CIT: variants seen among roughly 807,000 people sequenced by gnomAD.
CIT encodes the protein citron Rho-interacting kinase.
CIT carries 79 observed loss-of-function variants against 272.7 expected under a neutral mutation model. The observed-to-expected ratio is 0.29, with a 90% CI of 0.24 to 0.35. The LOEUF is 0.35. Ranked by LOEUF, CIT falls within the 10% of genes least tolerant of loss-of-function variation. The probability of loss-of-function intolerance (pLI) is 1.00; values close to 1 mark genes in which losing one functional copy is unlikely to be tolerated. For synonymous variants in CIT, 948 were observed against 995.6 expected (o/e 0.95, Z 0.90); for missense variants, 1,909 against 2,618.3 (o/e 0.73, Z 5.91).
At position 119,713,946 on chromosome 12, in the gene CIT, C is replaced by G; in HGVS notation, c.4306+251G>C. 1.6e-6 allele frequency: 1 copy of G among 607,212 alleles called. No individual in the cohort carries two copies. Among genetic ancestry groups the G allele is most frequent in the Non-Finnish European group, 2.9e-6 (1 of 345,476 alleles). The allele number at this position is 607,212 out of a possible 1,614,324, so 37.6% of individuals were successfully genotyped here. A position where few individuals can be genotyped will look rare whatever the true frequency, so the allele number is the denominator to read the frequency against. Reference sequence around the variant, plus strand: ...AGTCAGCGGAAAGGTAGGGAGAGACCAGCCTGACAAAAAGGGGCTGGAAAT... The same window carrying G: ...AGTCAGCGGAAAGGTAGGGAGAGACGAGCCTGACAAAAAGGGGCTGGAAAT... On this transcript the variant is annotated intron_variant, in intron 33 of 47. Coordinates refer to ENST00000392521, the MANE Select transcript of CIT (RefSeq NM_001206999.2). The surrounding 1 kb of genome is among the most constrained non-coding windows in gnomAD (Gnocchi z 5.2).
chr12:119,789,846 C>T (rs1352247039), intron 10 of CIT, among the ~76,000 whole-genome samples: 1 of 151,978 alleles, frequency 6.6e-6, no homozygotes, highest in Admixed American at 6.6e-5. Flanking sequence ...GCTGGGACTA[C>T]AGGCGCACGC....
intron 7 of CIT, among the ~76,000 whole-genome samples, chr12:119,828,994 GAAGGA>G (rs1363692995): frequency 3.2e-5 from 1 of 31,332 alleles, no homozygotes; most frequent in Non-Finnish European, 1.0e-4. Context: ...GAAAAGAAAG[GAAGGA>G]AGGAAGGAAA....
In CIT at chr12:119,733,529, C is replaced by CA. The variant is rs113216303; in HGVS notation, c.3350+634dup. Among the ~76,000 whole-genome samples the CA allele has an allele frequency of 0.011, 1,116 of 103,736 alleles. 12 individuals carry two copies. The East Asian group carries it at 0.12, about 12-fold the overall frequency. 68.1% of individuals were successfully genotyped at this position (103,736 alleles called of 152,430 possible). A position where few individuals can be genotyped will look rare whatever the true frequency, so the allele number is the denominator to read the frequency against. ...AGCCTGGGTGACAGAGACTCTGTCA[C>CA]AAAAAAAAAAAAAACAAAAAAAACC... On this transcript the variant is annotated intron_variant, in intron 26 of 47. Transcript: ENST00000392521.
intron 16 of CIT, among the ~76,000 whole-genome samples, chr12:119,775,496 T>G (rs1243385242): frequency 1.3e-5 from 2 of 152,214 alleles, no homozygotes; most frequent in African/African-American, 4.8e-5. Flanking sequence ...CCAGGCCCCC[T>G]GAGGCGAGAG....
At chr12:119,721,537 G>T (rs1957814823) in intron 28 of CIT, 88 bp from the exon 29 acceptor site, 2 of 1,237,406 alleles carry the variant, frequency 1.6e-6, no homozygotes, top group South Asian at 1.9e-5. Flanking sequence ...CTAATTTCAG[G>T]CATGGCACCA....
chr12:119,766,412 T>A (rs1962460589), intron 19 of CIT, among the ~76,000 whole-genome samples: 1 of 152,182 alleles, frequency 6.6e-6, no homozygotes, highest in Non-Finnish European at 1.5e-5. Flanking sequence ...CTCACTTATT[T>A]GTGGGATCTA....
At chr12:119,792,943 AGAGT>A (rs1191975558) in intron 10 of CIT, among the ~76,000 whole-genome samples, 1 of 152,088 alleles carries the variant, frequency 6.6e-6, no homozygotes, top group Non-Finnish European at 1.5e-5. Flanking sequence ...GCCTGGCGAC[AGAGT>A]GAGACTCCGT....
In CIT at chr12:119,728,604, G is replaced by A; in HGVS notation, c.3489C>T (p.Leu1163=). 1.9e-6 allele frequency: 3 copies of A among 1,603,324 alleles called. No homozygotes were observed. The highest frequency in any genetic ancestry group is 1.1e-5 in the South Asian group (1 of 89,616). ...TAGCATGCTTCTTCTCCAGGTCATTGAGCTAGACATTTGGAAAGATTGGCA... is the reference window on the plus strand; with the variant it reads ...TAGCATGCTTCTTCTCCAGGTCATTAAGCTAGACATTTGGAAAGATTGGCA... The part of the protein sequence containing the change: ...KLKAESLSDK[L]NDLEKKHAML... Residue 1163 remains leucine (L), a splice_region_variant and synonymous_variant, in exon 28 of 48, where the codon CTC becomes CTT. Transcript: ENST00000392521. This position sits in a 1 kb window ranked among gnomAD's most constrained non-coding sequence, Gnocchi z 4.3.
At chr12:119,807,150 C>A (rs1593820997) in intron 9 of CIT, among the ~76,000 whole-genome samples, 1 of 152,146 alleles carries the variant, frequency 6.6e-6, no homozygotes, top group African/African-American at 2.4e-5. Context: ...GTAACAAGGT[C>A]CCCAGGTGAT....
chr12:119,853,094 A>C (rs1361309016), intron 4 of CIT, among the ~76,000 whole-genome samples: 2 of 152,110 alleles, frequency 1.3e-5, no homozygotes, highest in East Asian at 1.9e-4. Flanking sequence ...TGGGAGGCCA[A>C]GGCACGTGGA....
chr12:119,848,725 T>C (rs142386199), intron 5 of CIT, among the ~76,000 whole-genome samples: 574 of 152,176 alleles, frequency 3.8e-3, no homozygotes, highest in Admixed American at 6.4e-3. Flanking sequence ...CATGTGGATA[T>C]AGAAATATCC....
At chr12:119,815,108 ACAC>A (rs1967044554) in intron 9 of CIT, among the ~76,000 whole-genome samples, 104 of 21,442 alleles carry the variant, frequency 4.9e-3, no homozygotes, top group Middle Eastern at 0.045. Flanking sequence ...CACACACAAC[ACAC>A]ACACACACAC....
In CIT at chr12:119,704,714, A is replaced by G. The variant is rs566753594; in HGVS notation, c.5212-259T>C. ...ACCAAATGTCCCCTGGTAAGGCAGA[A>G]TTACCCCTGGTCGAGAACCAAGGCT... On this transcript the variant is annotated intron_variant, in intron 40 of 47. Coordinates refer to ENST00000392521, the MANE Select transcript of CIT (RefSeq NM_001206999.2). 2.6e-5 allele frequency among the ~76,000 whole-genome samples: 4 copies of G among 152,258 alleles called. No individual in the cohort carries two copies. The East Asian group carries it at 7.7e-4, about 29-fold the overall frequency.
In CIT at chr12:119,804,393, G is replaced by A. The variant is rs1399593896; in HGVS notation, c.1112-1004C>T. On this transcript the variant is annotated intron_variant, in intron 9 of 47. Transcript: ENST00000392521. This position sits in a 1 kb window ranked among gnomAD's most constrained non-coding sequence, Gnocchi z 5.3. ...GTTAGAGCCGAGCATCACATCCCCC[G>A]CAGTGCAGGCTGCATGCTCCCGGCT... The A allele has an allele frequency of 6.1e-5, 60 of 985,452 alleles. No homozygotes were observed. The highest frequency in any genetic ancestry group is 7.1e-5 in the Non-Finnish European group (59 of 830,068). The allele number at this position is 985,452 out of a possible 1,614,324, so 61.0% of individuals were successfully genotyped here.
In CIT at chr12:119,854,239, G is replaced by T. The variant is rs568122030; in HGVS notation, c.414+3284C>A. ...GACAGGGTTTCTCCATGTTGGTCAG[G>T]CTGGTCTCAAACTCCCGACCTCAAG... On this transcript the variant is annotated intron_variant, in intron 4 of 47. Transcript: ENST00000392521. Among the ~76,000 whole-genome samples, 369 of 151,766 alleles carry T rather than the reference G, an allele frequency of 2.4e-3. 1 individual carries two copies. Among genetic ancestry groups the T allele is most frequent in the African/African-American group, 8.5e-3 (354 of 41,462 alleles).
At chr12:119,818,081 G>A (rs1967367837) in intron 9 of CIT, among the ~76,000 whole-genome samples, 1 of 152,154 alleles carries the variant, frequency 6.6e-6, no homozygotes, top group Admixed American at 6.5e-5. Context: ...AAGAGCATGG[G>A]CTTTGGAATC....
At chr12:119,692,379 T>C (rs1325969854) in intron 46 of CIT, among the ~76,000 whole-genome samples, 1 of 152,256 alleles carries the variant, frequency 6.6e-6, no homozygotes, top group African/African-American at 2.4e-5. Context: ...GAAGAGGCTA[T>C]AATTTTATCA....
In CIT at chr12:119,708,264, G is replaced by A. The variant is rs763083715; in HGVS notation, c.5126C>T (p.Ala1709Val). The change falls in exon 40 of 48, where the codon GCC (alanine) becomes GTC (valine). Residue 1709 changes from alanine to valine, a missense_variant. Transcript: ENST00000392521. ...GGGCTGGGCAGGCAGGTGGGACTGG[G>A]CCAGGGACTGTTTCACTTTCTTCAC... ...VDVKKVKQSL[A>V]QSHLPAQPDI... The A allele has an allele frequency of 3.1e-6, 5 of 1,606,650 alleles. No homozygotes were observed. The highest frequency in any genetic ancestry group is 4.2e-6 in the Non-Finnish European group (5 of 1,176,866).
intron 7 of CIT, among the ~76,000 whole-genome samples, chr12:119,832,507 G>C (rs940008493): frequency 1.3e-5 from 2 of 152,252 alleles, no homozygotes; most frequent in African/African-American, 2.4e-5. Context: ...AAAATGAAGA[G>C]AGAAACAAAA....
Sources: allele counts gnomAD v4.1 joint callset (sites outside exome capture counted in the v4.1 genomes callset), GRCh38; gene constraint gnomAD v4.1.1; non-coding constraint Gnocchi (gnomAD v3.1); transcripts MANE v1.5; gene names NCBI Gene and HGNC (gene_info 2026-07-23, HGNC 2026-07-21).